The following ZFHX3 variants were observed in gnomAD, a reference collection of about 807,000 sequenced individuals.
ZFHX3 encodes zinc finger homeobox protein 3.
ZFHX3 carries 42 observed loss-of-function variants against 279.1 expected under a neutral mutation model. The observed-to-expected ratio is 0.15, with a 90% CI of 0.12 to 0.19. ZFHX3 has a LOEUF of 0.19. Among genes scored for constraint, ZFHX3 ranks in the 10% least tolerant of loss-of-function variants. The pLI is 1.00. For missense variants in ZFHX3, 4,981 were observed against 4,754.0 expected (o/e 1.05, Z -1.40); for synonymous variants, 2,293 against 1,957.8 (o/e 1.17, Z -4.52).
intron 8 of ZFHX3, among the ~76,000 whole-genome samples, chr16:73,076,958 A>T (rs573880680): frequency 6.6e-6 from 1 of 152,308 alleles, no homozygotes; most frequent in South Asian, 2.1e-4. Context: ...TGAATGACAA[A>T]CATGTCAGAT....
At chr16:73,215,142 T>G (rs1468350808) in intron 5 of ZFHX3, among the ~76,000 whole-genome samples, 2 of 152,134 alleles carry the variant, frequency 1.3e-5, no homozygotes, top group African/African-American at 4.8e-5. Flanking sequence ...AACAACCAAT[T>G]CATAACCAAA....
intron 2 of ZFHX3, among the ~76,000 whole-genome samples, chr16:73,653,864 T>C (rs1463492720): frequency 3.9e-5 from 6 of 151,936 alleles, no homozygotes; most frequent in African/African-American, 1.5e-4. Context: ...AAACAGAATA[T>C]GACTGCAGAT....
At chr16:73,661,723 GAA>G (rs112763443) in intron 2 of ZFHX3, among the ~76,000 whole-genome samples, 27 of 56,822 alleles carry the variant, frequency 4.8e-4, no homozygotes, top group South Asian at 2.5e-3. Context: ...CTCCATCTCA[GAA>G]AAAAAAAAAA....
At chr16:73,034,100 TAA>T (rs5817828) in intron 1 of ZFHX3, among the ~76,000 whole-genome samples, 9 of 141,704 alleles carry the variant, frequency 6.4e-5, no homozygotes, top group Non-Finnish European at 1.2e-4. Flanking sequence ...GTAACGAACT[TAA>T]AAAAAAAAAA....
chr16:73,880,987 A>C (rs896919957), intron 1 of ZFHX3, among the ~76,000 whole-genome samples: 1 of 152,154 alleles, frequency 6.6e-6, no homozygotes, highest in African/African-American at 2.4e-5. Context: ...TTTCCATGTC[A>C]CAGGCAAAGG....
chr16:73,675,035 C>T (rs889760027), intron 2 of ZFHX3, among the ~76,000 whole-genome samples: 4 of 152,140 alleles, frequency 2.6e-5, no homozygotes, highest in African/African-American at 9.7e-5. Context: ...AGCAAGCCAG[C>T]TGTCAGTGAT....
chr16:73,514,064 C>T (rs1385385985), intron 2 of ZFHX3, among the ~76,000 whole-genome samples: 1 of 152,072 alleles, frequency 6.6e-6, no homozygotes, highest in Admixed American at 6.6e-5. Context: ...CTGGCTAACA[C>T]CGTGAAACCC....
chr16:73,021,632 A>G (rs1459751970), intron 1 of ZFHX3, among the ~76,000 whole-genome samples: 2 of 151,894 alleles, frequency 1.3e-5, no homozygotes, highest in Non-Finnish European at 2.9e-5. Context: ...GGAGTTTGAG[A>G]CCAGCCTGGC....
At chr16:73,214,202 G>T (rs543437529) in intron 5 of ZFHX3, among the ~76,000 whole-genome samples, 2 of 152,186 alleles carry the variant, frequency 1.3e-5, no homozygotes, top group South Asian at 4.2e-4. Context: ...AGCTCAAATG[G>T]GCTTGGGCCA....
At chr16:73,186,578 A>G (rs1408646600) in intron 5 of ZFHX3, among the ~76,000 whole-genome samples, 4 of 151,340 alleles carry the variant, frequency 2.6e-5, no homozygotes, top group Non-Finnish European at 5.9e-5. Flanking sequence ...TTTTCACTCA[A>G]AACACTTAAC....
intron 8 of ZFHX3, among the ~76,000 whole-genome samples, chr16:73,074,730 G>T (rs1007297154): frequency 1.3e-5 from 2 of 151,722 alleles, no homozygotes; most frequent in South Asian, 2.1e-4. Flanking sequence ...GGATCAGATC[G>T]CATTGAAACA....
rs147945162 is a variant in ZFHX3, at chr16:73,090,075, G to A, written c.-533+3160C>T. Among the ~76,000 whole-genome samples, 761 of 152,258 alleles carry A rather than the reference G, an allele frequency of 5.0e-3. 4 individuals are homozygous for A. The highest frequency in any genetic ancestry group is 0.018 in the African/African-American group (733 of 41,548). On this transcript the variant is annotated intron_variant, in intron 8 of 17. Coordinates refer to the ZFHX3 transcript ENST00000641206. ...TTTTTTCCTAATCCGTGCTCTCCAA[G>A]TTCACTGTAATAACTGTATTTAAAC...
At chr16:73,733,636 G>A (rs1233377819) in intron 1 of ZFHX3, among the ~76,000 whole-genome samples, 1 of 152,086 alleles carries the variant, frequency 6.6e-6, no homozygotes, top group Non-Finnish European at 1.5e-5. Context: ...CTACTTTAAA[G>A]TCAACCTAAG....
chr16:72,815,957 GAGTATT>G, intron 5 of ZFHX3, among the ~76,000 whole-genome samples: 1 of 152,326 alleles, frequency 6.6e-6, no homozygotes, highest in African/African-American at 2.4e-5. Context: ...CCATTCTACT[GAGTATT>G]AGAAGACATT....
At chr16:73,021,311 T>C (rs993457287) in intron 1 of ZFHX3, among the ~76,000 whole-genome samples, 1 of 152,120 alleles carries the variant, frequency 6.6e-6, no homozygotes, top group Admixed American at 6.5e-5. Context: ...GTCCTTCCAG[T>C]CACTCAAGTT....
intron 1 of ZFHX3, among the ~76,000 whole-genome samples, chr16:73,043,685 T>C (rs1488963174): frequency 6.6e-6 from 1 of 152,232 alleles, no homozygotes; most frequent in Non-Finnish European, 1.5e-5. Flanking sequence ...GTTTCCCTAC[T>C]TCTGAAGCTT....
chr16:73,412,534 C>T (rs2143464719), intron 3 of ZFHX3, among the ~76,000 whole-genome samples: 1 of 151,996 alleles, frequency 6.6e-6, no homozygotes, highest in South Asian at 2.1e-4. Context: ...TCCTTTCCCT[C>T]CATCATCCAC....
chr16:73,525,707 A>G (rs2019679210), intron 2 of ZFHX3, among the ~76,000 whole-genome samples: 2 of 152,190 alleles, frequency 1.3e-5, no homozygotes. Context: ...CCAGCAGCCA[A>G]TATCTCCCCG....
At chr16:73,280,321 A>G (rs901713839) in intron 4 of ZFHX3, among the ~76,000 whole-genome samples, 4 of 152,216 alleles carry the variant, frequency 2.6e-5, no homozygotes, top group Admixed American at 2.0e-4. Context: ...GGTAACCTAT[A>G]GAATGGGAGA....
Sources: gnomAD v4.1 joint callset for allele counts (sites outside exome capture counted in the v4.1 genomes callset) on GRCh38, gnomAD v4.1.1 for gene constraint, MANE v1.5 for transcripts, NCBI Gene and HGNC (gene_info 2026-07-23, HGNC 2026-07-21) for gene names.